The following TNIP1 variants were observed in gnomAD, a reference collection of about 807,000 sequenced individuals.
TNIP1 encodes the protein TNFAIP3-interacting protein 1.
A neutral mutation model predicts 86.6 loss-of-function variants in TNIP1; 22 were observed. The ratio of observed to expected loss-of-function variants is 0.25; its 90% confidence interval spans 0.18 to 0.36. TNIP1 has a LOEUF of 0.36. Among genes scored for constraint, TNIP1 ranks in the 10% least tolerant of loss-of-function variants. The probability of loss-of-function intolerance (pLI) is 1.00; values close to 1 mark genes in which losing one functional copy is unlikely to be tolerated. For synonymous variants in TNIP1, 294 were observed against 313.0 expected (o/e 0.94, Z 0.64); for missense variants, 709 against 820.6 (o/e 0.86, Z 1.66).
In TNIP1 at chr5:151,054,968, T is replaced by C. The variant is rs75646390; in HGVS notation, c.627+1798A>G. 7.0e-3 allele frequency among the ~76,000 whole-genome samples: 1,061 copies of C among 152,334 alleles called. 16 individuals are homozygous for C. Among genetic ancestry groups the C allele is most frequent in the African/African-American group, 0.023 (976 of 41,568 alleles). On this transcript the variant is annotated intron_variant, in intron 6 of 17. Coordinates refer to ENST00000521591, the MANE Select transcript of TNIP1 (RefSeq NM_006058.5). ...CACTTGCTGTCCTACCCTTGCAGTC[T>C]AGAGAGCTGTTTCCTTGGAGTCTCT...
rs142888403 is a variant in TNIP1, at chr5:151,039,134, C to T, written c.1226G>A (p.Arg409His). The T allele has an allele frequency of 4.7e-4, 762 of 1,613,996 alleles. 6 individuals are homozygous for T. The African/African-American group carries it at 8.8e-3, about 19-fold the overall frequency. ...QDQLSPLTRQ[R>H]EYQEKEIQRL... ...CTGGATCTCCTTTTCCTGGTACTCA[C>T]GCTGTCGGGTGAGTGGGCTCAGCTG... The change falls in exon 12 of 18, where the codon CGT becomes CAT. Residue 409 changes from arginine (R) to histidine (H), a missense_variant. Arg to His is a conservative substitution (Grantham distance 29). Transcript: ENST00000521591.
chr5:151,085,842 G>A (rs1229049511), upstream of TNIP1, among the ~76,000 whole-genome samples: 4 of 152,186 alleles, frequency 2.6e-5, no homozygotes, highest in Non-Finnish European at 5.9e-5. Context: ...CCACAAAACC[G>A]GAGCATTTCC....
intron 6 of TNIP1, among the ~76,000 whole-genome samples, chr5:151,054,661 G>A (rs746072774): frequency 5.3e-5 from 8 of 152,058 alleles, no homozygotes; most frequent in South Asian, 2.1e-4. Flanking sequence ...CCTGGGTGGC[G>A]GAGCAAGACC....
At chr5:151,046,266 C>T (rs563890800) in intron 8 of TNIP1, 7 of 318,668 alleles carry the variant, frequency 2.2e-5, no homozygotes, top group Admixed American at 4.5e-5. Context: ...TCACTCCCTA[C>T]ACACATCAGC....
chr5:151,043,020 C>T, intron 9 of TNIP1, 59 bp from the exon 10 acceptor site: 2 of 1,577,278 alleles, frequency 1.3e-6, no homozygotes, highest in Non-Finnish European at 1.7e-6. Context: ...GGAGAGCCAT[C>T]TCCTGCCCCA....
chr5:151,040,955 C>A (rs1366495346), intron 11 of TNIP1, among the ~76,000 whole-genome samples: 1 of 152,196 alleles, frequency 6.6e-6, no homozygotes, highest in Non-Finnish European at 1.5e-5. Flanking sequence ...TGGTCTCATT[C>A]ATACATATGA....
At chr5:151,047,217 ACT>A (rs1759290006) in intron 8 of TNIP1, among the ~76,000 whole-genome samples, 1 of 152,182 alleles carries the variant, frequency 6.6e-6, no homozygotes, top group African/African-American at 2.4e-5. Context: ...TATTCTGCAC[ACT>A]CTGATGTACA....
chr5:151,045,515 A>G (rs545576479), intron 9 of TNIP1, among the ~76,000 whole-genome samples: 1 of 152,064 alleles, frequency 6.6e-6, no homozygotes, highest in South Asian at 2.1e-4. Flanking sequence ...GGGTCCCTCC[A>G]CTCCTCATCG....
At chr5:151,066,192 G>T (rs1268883874) in intron 1 of TNIP1, among the ~76,000 whole-genome samples, 1 of 152,170 alleles carries the variant, frequency 6.6e-6, no homozygotes, top group South Asian at 2.1e-4. Flanking sequence ...TGCACAAAAG[G>T]CCCCAAGCAT....
intron 15 of TNIP1, chr5:151,034,709 G>A (rs898370253): frequency 1.4e-5 from 6 of 432,812 alleles, no homozygotes; most frequent in African/African-American, 4.1e-5. Flanking sequence ...CTGGAACATG[G>A]GCATAGAAAG....
intron 2 of TNIP1, 135 bp downstream of exon 2, chr5:151,064,825 G>A: frequency 7.8e-7 from 1 of 1,289,852 alleles, no homozygotes; most frequent in South Asian, 1.3e-5. Flanking sequence ...GCAGGAGCCA[G>A]CGCTGGGCCA....
rs186857479 is a variant in TNIP1 at position 151,037,112 on chromosome 5, C to T, written c.1264-191G>A. The stretch of plus-strand genomic sequence containing the variant: ...ATATCATTTCATTGGATCTTCTGCA[C>T]AGTGCCATGAAGAAAAGACTATGAT... On this transcript the variant is annotated intron_variant, in intron 12 of 17. Transcript: ENST00000521591. The T allele has an allele frequency of 8.4e-5, 53 of 633,886 alleles. No individual in the cohort carries two copies. The East Asian group carries it at 1.9e-3, about 22-fold the overall frequency. 39.3% of individuals were successfully genotyped at this position (633,886 alleles called of 1,614,324 possible).
chr5:151,030,592 T>C lies in TNIP1; in HGVS notation c.*121A>G. ...GACTGGTGTACAAGCTGGCCACCCA[T>C]CTCAGCCTCTCATCCAGCTGAGGCT... On this transcript the variant is annotated 3_prime_UTR_variant, in exon 18 of 18. Transcript: ENST00000521591. The C allele has an allele frequency of 6.5e-7, 1 of 1,526,766 alleles. No individual in the cohort carries two copies. The highest frequency in any genetic ancestry group is 9.0e-7 in the Non-Finnish European group (1 of 1,116,804). The allele number at this position is 1,526,766 out of a possible 1,614,324, so 94.6% of individuals were successfully genotyped here. A position where few individuals can be genotyped will look rare whatever the true frequency, so the allele number is the denominator to read the frequency against.
intron 15 of TNIP1, 49 bp downstream of exon 15, chr5:151,034,953 A>T: frequency 6.2e-7 from 1 of 1,606,012 alleles, no homozygotes; most frequent in Non-Finnish European, 8.5e-7. Flanking sequence ...TAGCTCCATG[A>T]GGAAGGTAAG....
At chr5:151,084,061 G>A (rs568385202), upstream of TNIP1, among the ~76,000 whole-genome samples, 2 of 152,276 alleles carry the variant, frequency 1.3e-5, no homozygotes, top group East Asian at 3.9e-4. Context: ...GCTCTTAAAC[G>A]CTTAACACTC....
Position 151,055,837 on chromosome 5 carries a change from C to T in TNIP1, c.627+929G>A, listed in dbSNP as rs569920676. Among the ~76,000 whole-genome samples the T allele has an allele frequency of 2.6e-5, 4 of 152,272 alleles. No individual in the cohort carries two copies. The East Asian group carries it at 7.7e-4, about 29-fold the overall frequency. ...AGTCATGGCTCTGTCACTAAGGTGG[C>T]GGGCACTCAGATCACGAGCAGTCCC... is the stretch of plus-strand genomic sequence containing the variant. On this transcript the variant is annotated intron_variant, in intron 6 of 17. Transcript: ENST00000521591.
At chr5:151,060,279 G>C (rs769755025) in intron 5 of TNIP1, 39 bp downstream of exon 5, 2 of 1,607,944 alleles carry the variant, frequency 1.2e-6, no homozygotes, top group Non-Finnish European at 1.7e-6. Context: ...ACACAAAGAG[G>C]GCAGCAGGTC....
intron 5 of TNIP1, among the ~76,000 whole-genome samples, chr5:151,059,828 A>AGAGAGAGAGAGAGAGAGAGTGT (rs1554076446): frequency 1.8e-5 from 1 of 56,392 alleles, no homozygotes; most frequent in Non-Finnish European, 3.2e-5. Flanking sequence ...AGAGAGAGAG[A>AGAGAGAGAGAGAGAGAGAGTGT]GTGTGTGTGT....
At chr5:151,062,239 A>C (rs895063268) in intron 3 of TNIP1, 27 bp from the exon 4 acceptor site, 3 of 1,607,942 alleles carry the variant, frequency 1.9e-6, no homozygotes, top group Non-Finnish European at 2.6e-6. Flanking sequence ...GCACAGATGA[A>C]CTGACTGGGA....
Sources: gnomAD v4.1 joint callset for allele counts (sites outside exome capture counted in the v4.1 genomes callset) on GRCh38, gnomAD v4.1.1 for gene constraint, MANE v1.5 for transcripts, NCBI Gene and HGNC (gene_info 2026-07-23, HGNC 2026-07-21) for gene names.